SPMIP7: variants seen among roughly 807,000 people sequenced by gnomAD.
SPMIP7 encodes protein SPMIP7.
At chr7:50,140,780 T>C in the SPMIP7 span, among the ~76,000 whole-genome samples, 1 of 152,228 alleles carries the variant, frequency 6.6e-6, no homozygotes, top group Non-Finnish European at 1.5e-5. Context: ...TGACTAGTGT[T>C]TCTACCAGTG....
chr7:50,098,490 C>CT, the SPMIP7 span, among the ~76,000 whole-genome samples: 1 of 152,060 alleles, frequency 6.6e-6, no homozygotes, highest in Admixed American at 6.6e-5. Flanking sequence ...GTCTTTCTAT[C>CT]TTTTTTTAAA....
At chr7:50,119,128 T>C in the SPMIP7 span, among the ~76,000 whole-genome samples, 1 of 152,150 alleles carries the variant, frequency 6.6e-6, no homozygotes, top group Admixed American at 6.6e-5. Context: ...ATTGAACCCA[T>C]GGTCCTCTCC....
At chr7:50,105,361 G>A in the SPMIP7 span, among the ~76,000 whole-genome samples, 9 of 152,058 alleles carry the variant, frequency 5.9e-5, no homozygotes, top group Non-Finnish European at 1.0e-4. Context: ...TAGCAGTAAA[G>A]GTATGAATAC....
the SPMIP7 span, among the ~76,000 whole-genome samples, chr7:50,101,797 A>T: frequency 6.6e-6 from 1 of 152,186 alleles, no homozygotes; most frequent in Non-Finnish European, 1.5e-5. Flanking sequence ...CTTGTCACAG[A>T]CAGAATCATC....
the SPMIP7 span, among the ~76,000 whole-genome samples, chr7:50,102,822 T>G: frequency 2.0e-5 from 3 of 151,960 alleles, no homozygotes; most frequent in Non-Finnish European, 4.4e-5. Context: ...CATGCCATAG[T>G]TTGCTTATTT....
chr7:50,153,192 G>T, the SPMIP7 span, among the ~76,000 whole-genome samples: 1 of 152,214 alleles, frequency 6.6e-6, no homozygotes, highest in Non-Finnish European at 1.5e-5. Flanking sequence ...GTAGGAGAGA[G>T]TTCCTCAGAA....
At chr7:50,126,102 T>A in the SPMIP7 span, among the ~76,000 whole-genome samples, 1 of 152,226 alleles carries the variant, frequency 6.6e-6, no homozygotes, top group Admixed American at 6.5e-5. Context: ...CTTGAATATA[T>A]ACATTTCTTT....
chr7:50,095,931 AAAAC>A, the SPMIP7 span: 7 of 535,162 alleles, frequency 1.3e-5, no homozygotes, highest in Non-Finnish European at 2.1e-5. Context: ...CTTAAAAAGA[AAAAC>A]AAAATTATCT....
At chr7:50,125,195 C>T in the SPMIP7 span, among the ~76,000 whole-genome samples, 2 of 55,388 alleles carry the variant, frequency 3.6e-5, no homozygotes, top group African/African-American at 9.9e-5. Context: ...CATATATACA[C>T]ATATATATAC....
the SPMIP7 span, among the ~76,000 whole-genome samples, chr7:50,138,183 T>G: frequency 1.3e-5 from 2 of 152,192 alleles, no homozygotes; most frequent in African/African-American, 2.4e-5. Context: ...TGATAAGAGC[T>G]GGGGATCCAT....
At chr7:50,116,694 A>T in the SPMIP7 span, among the ~76,000 whole-genome samples, 1 of 152,338 alleles carries the variant, frequency 6.6e-6, no homozygotes, top group Admixed American at 6.5e-5. Context: ...TTTCAGTGCC[A>T]TCTAAATCAA....
the SPMIP7 span, among the ~76,000 whole-genome samples, chr7:50,100,835 A>ATAAAT: frequency 6.6e-6 from 1 of 151,516 alleles, no homozygotes; most frequent in African/African-American, 2.4e-5. Context: ...AAATAAATAA[A>ATAAAT]TAAATAAATA....
chr7:50,108,188 A>T, the SPMIP7 span, among the ~76,000 whole-genome samples: 1 of 152,212 alleles, frequency 6.6e-6, no homozygotes, highest in East Asian at 1.9e-4. Flanking sequence ...TAGTAAAGAT[A>T]TCAAAGAGCA....
At chr7:50,103,926 GA>G in the SPMIP7 span, among the ~76,000 whole-genome samples, 1 of 152,018 alleles carries the variant, frequency 6.6e-6, no homozygotes, top group African/African-American at 2.4e-5. Context: ...AAATATTTTT[GA>G]AGGCTGCTTT....
the SPMIP7 span, among the ~76,000 whole-genome samples, chr7:50,158,812 G>C: frequency 6.6e-6 from 1 of 152,034 alleles, no homozygotes; most frequent in East Asian, 1.9e-4. Context: ...GGGTTCCTTG[G>C]GCGGCTTTCT....
the SPMIP7 span, among the ~76,000 whole-genome samples, chr7:50,145,616 G>GTATATATATATATATA: frequency 3.7e-5 from 1 of 26,950 alleles, no homozygotes; most frequent in Non-Finnish European, 6.7e-5. Flanking sequence ...GTATATGTGT[G>GTATATATATATATATA]TGTATATATA....
the SPMIP7 span, chr7:50,129,758 T>C: frequency 2.6e-6 from 4 of 1,549,216 alleles, no homozygotes; most frequent in Non-Finnish European, 3.5e-6. Flanking sequence ...AGAAATGTAA[T>C]GCAAAGGACT....
the SPMIP7 span, among the ~76,000 whole-genome samples, chr7:50,119,592 A>C: frequency 6.6e-6 from 1 of 152,326 alleles, no homozygotes; most frequent in South Asian, 2.1e-4. Flanking sequence ...CTGTGTTACC[A>C]GTGACAGTCA....
chr7:50,124,207 A>G, the SPMIP7 span, among the ~76,000 whole-genome samples: 1 of 152,192 alleles, frequency 6.6e-6, no homozygotes, highest in African/African-American at 2.4e-5. Flanking sequence ...ATAAATGTAT[A>G]TGCATCTAGT....
Sources: gnomAD v4.1 joint callset for allele counts (sites outside exome capture counted in the v4.1 genomes callset) on GRCh38, gnomAD v4.1.1 for gene constraint, MANE v1.5 for transcripts, NCBI Gene and HGNC (gene_info 2026-07-23, HGNC 2026-07-21) for gene names.